GRB2: variants seen among roughly 807,000 people sequenced by gnomAD.
GRB2 encodes the protein growth factor receptor bound protein 2, also known as growth factor receptor-bound protein 2.
GRB2 carries 2 observed loss-of-function variants against 27.4 expected under a neutral mutation model. The ratio of observed to expected loss-of-function variants is 0.07; its 90% CI spans 0.03 to 0.23. GRB2 has a LOEUF of 0.23. Ranked by LOEUF, GRB2 falls within the 10% of genes least tolerant of loss-of-function variation. The probability of loss-of-function intolerance (pLI) is 1.00; values close to 1 mark genes in which losing one functional copy is unlikely to be tolerated. For synonymous variants in GRB2, 94 were observed against 99.6 expected, an observed-to-expected ratio of 0.94 and a Z score of 0.33; for missense variants, 102 against 282.4, an observed-to-expected ratio of 0.36 and a Z score of 4.58.
intron 2 of GRB2, among the ~76,000 whole-genome samples, chr17:75,334,685 A>T (rs551115948): frequency 6.0e-4 from 92 of 152,226 alleles, no homozygotes; most frequent in Non-Finnish European, 1.2e-3. Context: ...CAAACCTGTA[A>T]TCCTGGCAGT....
chr17:75,374,559 T>C (rs1471017267), intron 2 of GRB2, among the ~76,000 whole-genome samples: 5 of 151,994 alleles, frequency 3.3e-5, no homozygotes, highest in African/African-American at 4.8e-5. Flanking sequence ...AAAAATCCTA[T>C]TGACACACAC....
chr17:75,335,836 A>G (rs1312073547), intron 2 of GRB2, among the ~76,000 whole-genome samples: 1 of 152,210 alleles, frequency 6.6e-6, no homozygotes, highest in Non-Finnish European at 1.5e-5. Context: ...AAATCACATC[A>G]AAGACTGGAA....
intron 1 of GRB2, among the ~76,000 whole-genome samples, chr17:75,403,974 A>G (rs1162251074): frequency 4.8e-5 from 7 of 147,090 alleles, no homozygotes; most frequent in Non-Finnish European, 1.0e-4. Context: ...TTCGCTGGAC[A>G]TGGTGGTGGG....
intron 2 of GRB2, among the ~76,000 whole-genome samples, chr17:75,389,161 C>T (rs2078983143): frequency 6.6e-6 from 1 of 152,188 alleles, no homozygotes; most frequent in Non-Finnish European, 1.5e-5. Flanking sequence ...TCTTACTGGG[C>T]TTTTCTCACC....
chr17:75,395,960 G>A (rs1227614033), intron 1 of GRB2, among the ~76,000 whole-genome samples: 3 of 150,090 alleles, frequency 2.0e-5, no homozygotes, highest in Non-Finnish European at 3.0e-5. Context: ...CTCCTACCTC[G>A]GCCTGTAGCT....
chr17:75,376,914 G>A (rs1186284998), intron 2 of GRB2, among the ~76,000 whole-genome samples: 1 of 152,040 alleles, frequency 6.6e-6, no homozygotes, highest in Admixed American at 6.6e-5. Flanking sequence ...CAGAGACTAG[G>A]GTGGGAGGAT....
At position 75,327,795 on chromosome 17, in the gene GRB2, C is replaced by A. The variant is rs4788887; in HGVS notation, c.177-1775G>T. 8.5e-5 allele frequency among the ~76,000 whole-genome samples: 13 copies of A among 152,170 alleles called. No homozygotes were observed. The East Asian group carries it at 2.5e-3, about 29-fold the overall frequency. On this transcript the variant is annotated intron_variant, in intron 3 of 5. Coordinates refer to ENST00000316804, the MANE Select transcript of GRB2 (RefSeq NM_002086.5). ...TACACTTAGAAGCTGCCCTTAGTAA[C>A]TTTGTCCTTGTGTGTGTGTGTCAGC...
intron 2 of GRB2, among the ~76,000 whole-genome samples, chr17:75,377,553 G>A (rs1167666657): frequency 1.5e-5 from 2 of 136,346 alleles, no homozygotes; most frequent in African/African-American, 2.7e-5. Context: ...CTAGGAAGTT[G>A]AGGCTGCACT....
At chr17:75,337,152 C>T (rs778566378) in intron 2 of GRB2, among the ~76,000 whole-genome samples, 26 of 152,124 alleles carry the variant, frequency 1.7e-4, no homozygotes, top group South Asian at 6.2e-4. Context: ...ACCTCTAAAC[C>T]TCTTCACTCT....
At chr17:75,383,277 C>T (rs2078941565) in intron 2 of GRB2, among the ~76,000 whole-genome samples, 1 of 152,116 alleles carries the variant, frequency 6.6e-6, no homozygotes, top group South Asian at 2.1e-4. Flanking sequence ...GCATAGGTAT[C>T]CATCTATTTG....
At chr17:75,324,952 T>C (rs772302366) in intron 4 of GRB2, among the ~76,000 whole-genome samples, 3 of 152,110 alleles carry the variant, frequency 2.0e-5, no homozygotes, top group Admixed American at 6.6e-5. Context: ...GTCAGGCACC[T>C]GTAATCCCAG....
chr17:75,388,394 C>T (rs767413179), intron 2 of GRB2, among the ~76,000 whole-genome samples: 1 of 152,052 alleles, frequency 6.6e-6, no homozygotes, highest in Non-Finnish European at 1.5e-5. Context: ...TGAGCCACCA[C>T]GCCTGACCAC....
chr17:75,345,299 C>T (rs2078648133), intron 2 of GRB2, among the ~76,000 whole-genome samples: 1 of 152,142 alleles, frequency 6.6e-6, no homozygotes, highest in Admixed American at 6.6e-5. Flanking sequence ...CAACCTCAGC[C>T]TCCCAAAGTT....
At chr17:75,382,528 G>A (rs888478330) in intron 2 of GRB2, among the ~76,000 whole-genome samples, 8 of 152,178 alleles carry the variant, frequency 5.3e-5, no homozygotes, top group African/African-American at 7.2e-5. Context: ...CCATGCTGGC[G>A]CTCAAAAAAG....
intron 4 of GRB2, among the ~76,000 whole-genome samples, chr17:75,323,100 C>T (rs1351776647): frequency 7.4e-6 from 1 of 134,970 alleles, no homozygotes; most frequent in African/African-American, 2.8e-5. Flanking sequence ...GCCTGTGCGA[C>T]AGAGTGACAC....
chr17:75,327,851 C>CT (rs2078510445), intron 3 of GRB2, among the ~76,000 whole-genome samples: 1 of 152,098 alleles, frequency 6.6e-6, no homozygotes, highest in Admixed American at 6.6e-5. Context: ...TCTGAATAGT[C>CT]TGACATCTAC....
At chr17:75,321,167 A>ATTTT (rs2078456431) in intron 5 of GRB2, among the ~76,000 whole-genome samples, 2 of 76,014 alleles carry the variant, frequency 2.6e-5, no homozygotes, top group African/African-American at 9.3e-5. Flanking sequence ...GAAACAACAA[A>ATTTT]TCTTTTTTTT....
At chr17:75,333,163 C>T (rs1234221744) in intron 2 of GRB2, among the ~76,000 whole-genome samples, 3 of 152,126 alleles carry the variant, frequency 2.0e-5, no homozygotes, top group African/African-American at 7.2e-5. Flanking sequence ...GCAACCTCCA[C>T]CTCCTGGGTT....
At chr17:75,325,791 G>T (rs1598217076) in intron 4 of GRB2, 107 bp downstream of exon 4, 1 of 1,170,458 alleles carries the variant, frequency 8.5e-7, no homozygotes, top group East Asian at 2.3e-5. Context: ...AAACTGTTTA[G>T]GCTAAGCCTC....
Sources: gnomAD v4.1 joint callset for allele counts (sites outside exome capture counted in the v4.1 genomes callset) on GRCh38, gnomAD v4.1.1 for gene constraint, MANE v1.5 for transcripts, NCBI Gene and HGNC (gene_info 2026-07-23, HGNC 2026-07-21) for gene names.